Variants in TMEM150C observed in about 807,000 individuals in gnomAD.
The protein encoded by TMEM150C is tentonin 3.
TMEM150C carries 10 observed loss-of-function variants against 29.9 expected under a neutral mutation model. That is an observed-to-expected ratio of 0.33 (90% CI 0.21 to 0.57). TMEM150C has a LOEUF of 0.57. Among genes scored for constraint, TMEM150C ranks in the 20% least tolerant of loss-of-function variants. The pLI, the probability that TMEM150C is intolerant of heterozygous loss-of-function variation, is 0.88. For synonymous variants in TMEM150C, 101 were observed against 112.5 expected, an observed-to-expected ratio of 0.90 and a Z score of 0.64; for missense variants, 251 against 303.6, an observed-to-expected ratio of 0.83 and a Z score of 1.29.
At chr4:82,503,756 G>A (rs768090256) in intron 2 of TMEM150C, among the ~76,000 whole-genome samples, 45 of 151,916 alleles carry the variant, frequency 3.0e-4, no homozygotes, top group Non-Finnish European at 5.9e-4. Context: ...AGGCTGAGGC[G>A]GGAGAATGGC....
intron 1 of TMEM150C, among the ~76,000 whole-genome samples, chr4:82,549,403 G>A (rs1725495646): frequency 6.6e-6 from 1 of 152,194 alleles, no homozygotes; most frequent in South Asian, 2.1e-4. Flanking sequence ...CTTATATGAG[G>A]TATCTAGAGA....
chr4:82,513,161 G>A lies in TMEM150C; in HGVS notation c.-10-8494C>T, dbSNP rs182815230. Among the ~76,000 whole-genome samples, 349 of 152,330 alleles carry A rather than the reference G, an allele frequency of 2.3e-3. 2 individuals carry two copies. The highest frequency in any genetic ancestry group is 4.5e-3 in the Non-Finnish European group (303 of 68,022). On this transcript the variant is annotated intron_variant, in intron 1 of 7. Coordinates refer to ENST00000449862, the MANE Select transcript of TMEM150C (RefSeq NM_001080506.3). ...CTGATGGGAAGACACTTCCCAGCAG[G>A]GGTCGAGAGACACTTCATACAGGAG...
chr4:82,561,836 G>A, intron 1 of TMEM150C, 70 bp downstream of exon 1: 1 of 965,510 alleles, frequency 1.0e-6, no homozygotes, highest in Non-Finnish European at 1.2e-6. Context: ...TGCGGGCTGC[G>A]CACGGGGCCG....
rs575718196 is a variant in TMEM150C at position 82,530,986 on chromosome 4, AC to A, written c.-10-26320del. On this transcript the variant is annotated intron_variant, in intron 1 of 7. Coordinates refer to ENST00000449862, the MANE Select transcript of TMEM150C (RefSeq NM_001080506.3). ...AGATGGTGCTAAACCATTAGAAACA[AC>A]CCCCATCATCCAATCACCTCCCACC... Among the ~76,000 whole-genome samples the A allele has an allele frequency of 5.7e-4, 87 of 152,146 alleles. 1 individual carries two copies. The highest frequency in any genetic ancestry group is 2.0e-3 in the African/African-American group (85 of 41,498).
chr4:82,499,780 A>G (rs1328710825), intron 5 of TMEM150C, among the ~76,000 whole-genome samples: 2 of 150,774 alleles, frequency 1.3e-5, no homozygotes, highest in African/African-American at 4.9e-5. Flanking sequence ...TTCTAATTAC[A>G]TTTTAAATTC....
intron 1 of TMEM150C, among the ~76,000 whole-genome samples, chr4:82,509,514 G>A (rs756629492): frequency 1.3e-5 from 2 of 152,050 alleles, no homozygotes; most frequent in Non-Finnish European, 2.9e-5. Context: ...CAAAATTCAC[G>A]GCCGGGTGGG....
chr4:82,538,719 A>G (rs1725095821), intron 1 of TMEM150C, among the ~76,000 whole-genome samples: 1 of 152,164 alleles, frequency 6.6e-6, no homozygotes, highest in South Asian at 2.1e-4. Flanking sequence ...TCAACATGTA[A>G]TATATTAATG....
intron 1 of TMEM150C, among the ~76,000 whole-genome samples, chr4:82,515,828 C>CA (rs995125703): frequency 2.6e-5 from 4 of 151,800 alleles, no homozygotes; most frequent in Non-Finnish European, 4.4e-5. Flanking sequence ...ACAAACAAAC[C>CA]AAAAAACCAA....
intron 1 of TMEM150C, among the ~76,000 whole-genome samples, chr4:82,558,700 A>C (rs1006949177): frequency 6.6e-6 from 1 of 152,244 alleles, no homozygotes; most frequent in Non-Finnish European, 1.5e-5. Flanking sequence ...TAATTTATGA[A>C]CAAGTTTTAA....
intron 1 of TMEM150C, among the ~76,000 whole-genome samples, chr4:82,528,240 T>A (rs1724717878): frequency 1.3e-5 from 2 of 152,126 alleles, no homozygotes; most frequent in Admixed American, 1.3e-4. Flanking sequence ...GAAGAATGAG[T>A]CATTCACCAG....
At chr4:82,555,899 T>C (rs1050638517) in intron 1 of TMEM150C, among the ~76,000 whole-genome samples, 1 of 152,342 alleles carries the variant, frequency 6.6e-6, no homozygotes, top group South Asian at 2.1e-4. Context: ...CTTAGGACAG[T>C]GTTTCCTCAA....
chr4:82,503,128 A>G lies in TMEM150C; in HGVS notation c.81-16T>C. The G allele has an allele frequency of 6.5e-7, 1 of 1,548,690 alleles. No individual in the cohort carries two copies. Among genetic ancestry groups the G allele is most frequent in the Non-Finnish European group, 8.8e-7 (1 of 1,131,022 alleles). ...TATGAAGTATCTATCAAAAAAGAAT[A>G]AGTTTATAGAACAAAGAAATTGGAA... On this transcript the variant is annotated splice_polypyrimidine_tract_variant and intron_variant, in intron 2 of 7. Coordinates refer to ENST00000449862, the MANE Select transcript of TMEM150C (RefSeq NM_001080506.3).
intron 1 of TMEM150C, among the ~76,000 whole-genome samples, chr4:82,537,454 T>A (rs1725048351): frequency 6.6e-6 from 1 of 152,166 alleles, no homozygotes; most frequent in Non-Finnish European, 1.5e-5. Flanking sequence ...TTTACACCCT[T>A]TGGAAAACAA....
At chr4:82,494,783 ATTTTTTTT>A (rs70964776) in intron 6 of TMEM150C, 5 of 188,098 alleles carry the variant, frequency 2.7e-5, no homozygotes, top group Admixed American at 5.8e-5. Flanking sequence ...AATGTTCCTA[ATTTTTTTT>A]TTTTTTTTTT....
chr4:82,504,723 T>C, intron 1 of TMEM150C, 56 bp from the exon 2 acceptor site: 1 of 1,458,082 alleles, frequency 6.9e-7, no homozygotes. Context: ...CTTCACTCTT[T>C]CAAGATAGAA....
chr4:82,485,578 T>C lies in TMEM150C; in HGVS notation c.683A>G (p.Gln228Arg). The C allele has an allele frequency of 6.2e-7, 1 of 1,611,238 alleles. No individual in the cohort carries two copies. Among genetic ancestry groups the C allele is most frequent in the Non-Finnish European group, 8.5e-7 (1 of 1,178,762 alleles). The change falls in exon 8 of 8, where the codon CAG becomes CGG. Residue 228 changes from glutamine to arginine, a missense_variant. Physicochemically the swap from Gln to Arg is conservative, Grantham distance 43. Transcript: ENST00000449862. ...TTCTGAGAAGCTTAGGAAATTCTCC[T>C]GGTACTCAGAGCAAACAATCTCATA... The part of the protein sequence containing the change: ...YRYEIVCSEY[Q>R]ENFLSFSESL...
At chr4:82,502,346 A>C (rs1268763801) in intron 5 of TMEM150C, among the ~76,000 whole-genome samples, 2 of 152,232 alleles carry the variant, frequency 1.3e-5, no homozygotes, top group African/African-American at 2.4e-5. Context: ...CACAAAGCCC[A>C]TGCATTTTTT....
chr4:82,492,898 A>ATATATATATG lies in TMEM150C; in HGVS notation c.364-2661_364-2660insCATATATATA, dbSNP rs1367287202. On this transcript the variant is annotated intron_variant, in intron 6 of 7. Transcript: ENST00000449862. ...TATATATATATATATATATATATAT[A>ATATATATATG]TGTATTTGAGATGGGGTCTTGCTTT... is the stretch of plus-strand genomic sequence containing the variant. Among the ~76,000 whole-genome samples the ATATATATATG allele has an allele frequency of 8.8e-5, 12 of 136,090 alleles. 1 individual carries two copies. Among genetic ancestry groups the ATATATATATG allele is most frequent in the African/African-American group, 3.3e-4 (12 of 35,900 alleles). The allele number at this position is 136,090 out of a possible 152,430, so 89.3% of individuals were successfully genotyped here. A position where few individuals can be genotyped will look rare whatever the true frequency, so the allele number is the denominator to read the frequency against.
intron 1 of TMEM150C, among the ~76,000 whole-genome samples, chr4:82,553,124 C>T (rs1014023654): frequency 6.6e-6 from 1 of 152,210 alleles, no homozygotes; most frequent in Non-Finnish European, 1.5e-5. Flanking sequence ...TTACTCAACT[C>T]TTCAGTGTTC....
Sources: gnomAD v4.1 joint callset for allele counts (sites outside exome capture counted in the v4.1 genomes callset) on GRCh38, gnomAD v4.1.1 for gene constraint, MANE v1.5 for transcripts, NCBI Gene and HGNC (gene_info 2026-07-23, HGNC 2026-07-21) for gene names.